The following MSI2 variants were observed in gnomAD, a reference collection of about 807,000 sequenced individuals.
MSI2 encodes the protein RNA-binding protein Musashi homolog 2.
A neutral mutation model predicts 45.6 loss-of-function variants in MSI2; 17 were observed. The ratio of observed to expected loss-of-function variants is 0.37; its 90% CI spans 0.26 to 0.56. The LOEUF (loss-of-function observed/expected upper bound fraction) is 0.56, where lower values mean the gene tolerates loss of function less well. Among genes scored for constraint, MSI2 ranks in the 20% least tolerant of loss-of-function variants. The pLI is 0.77. For synonymous variants in MSI2, 156 were observed against 158.2 expected (o/e 0.99, Z 0.11); for missense variants, 293 against 444.2 (o/e 0.66, Z 3.06).
intron 5 of MSI2, among the ~76,000 whole-genome samples, chr17:57,327,876 A>G (rs767758800): frequency 1.3e-5 from 2 of 152,048 alleles, no homozygotes; most frequent in African/African-American, 2.4e-5. Flanking sequence ...GTGGGAGCCC[A>G]TTGTCAGGCA....
chr17:57,529,616 A>G lies in MSI2; in HGVS notation c.406-60A>G, dbSNP rs933279335. 18 of 1,506,796 alleles carry G rather than the reference A, an allele frequency of 1.2e-5. No homozygotes were observed. The East Asian group carries it at 3.8e-4, about 32-fold the overall frequency. 93.3% of individuals were successfully genotyped at this position (1,506,796 alleles called of 1,614,324 possible). On this transcript the variant is annotated intron_variant, in intron 6 of 13. Coordinates refer to ENST00000284073, the MANE Select transcript of MSI2 (RefSeq NM_138962.4). The surrounding 1 kb of genome is among the most constrained non-coding windows in gnomAD (Gnocchi z 5.3). Reference sequence around the variant, plus strand: ...CCCCTCACCCCCCGACATGCATATAATGTTTTGTGTACTTTCTTAAAATTC... The same window carrying G: ...CCCCTCACCCCCCGACATGCATATAGTGTTTTGTGTACTTTCTTAAAATTC...
At chr17:57,412,194 C>T (rs113011574) in intron 6 of MSI2, among the ~76,000 whole-genome samples, 144 of 151,916 alleles carry the variant, frequency 9.5e-4, no homozygotes, top group African/African-American at 3.2e-3. Context: ...TGTGCCACCA[C>T]GCCTGAATAA....
intron 6 of MSI2, among the ~76,000 whole-genome samples, chr17:57,477,199 TG>T: frequency 1.9e-5 from 2 of 107,826 alleles, no homozygotes; most frequent in African/African-American, 6.9e-5. Flanking sequence ...TGTGTGTGTG[TG>T]TCGGAGGGTG....
In MSI2 at chr17:57,558,584, C is replaced by T. The variant is rs144918755; in HGVS notation, c.454+28860C>T. The stretch of plus-strand genomic sequence containing the variant: ...CTCCTGGTGGCACAACAGAAAACCA[C>T]GACTCTAAGTCACTTGCCCCAGCCC... On this transcript the variant is annotated intron_variant, in intron 7 of 13. Coordinates refer to ENST00000284073, the MANE Select transcript of MSI2 (RefSeq NM_138962.4). Among the ~76,000 whole-genome samples, 1,077 of 152,294 alleles carry T rather than the reference C, an allele frequency of 7.1e-3. 13 individuals carry two copies. Among genetic ancestry groups the T allele is most frequent in the South Asian group, 9.9e-3 (48 of 4,826 alleles).
chr17:57,495,001 A>G (rs2085947593), intron 6 of MSI2, among the ~76,000 whole-genome samples: 1 of 152,186 alleles, frequency 6.6e-6, no homozygotes, highest in Non-Finnish European at 1.5e-5. Flanking sequence ...AACACAGGGT[A>G]AAGGAGATTA....
At chr17:57,575,086 T>G (rs1340078044) in intron 7 of MSI2, among the ~76,000 whole-genome samples, 1 of 151,046 alleles carries the variant, frequency 6.6e-6, no homozygotes, top group Non-Finnish European at 1.5e-5. Context: ...CACCTTGGCC[T>G]CCCAAAGTGC....
At chr17:57,475,727 C>T (rs997248911) in intron 6 of MSI2, among the ~76,000 whole-genome samples, 1 of 152,016 alleles carries the variant, frequency 6.6e-6, no homozygotes, top group Non-Finnish European at 1.5e-5. Flanking sequence ...CTTGGGAGTC[C>T]TTTCTGAGGA....
At position 57,439,995 on chromosome 17, in the gene MSI2, CTT is replaced by C. The variant is rs2084767145; in HGVS notation, c.405+38526_405+38527del. On this transcript the variant is annotated intron_variant, in intron 6 of 13. Transcript: ENST00000284073. ...TAAGATTCAATACCAATGGTTATCT[CTT>C]TGATTATAGCTTAGGGTGAGGCTGA... Among the ~76,000 whole-genome samples the C allele has an allele frequency of 2.0e-5, 3 of 152,130 alleles. 1 individual carries two copies. In the South Asian group the frequency reaches 6.2e-4, roughly 32 times the overall value.
intron 6 of MSI2, among the ~76,000 whole-genome samples, chr17:57,458,431 A>G (rs770652942): frequency 9.2e-5 from 14 of 152,130 alleles, no homozygotes; most frequent in Non-Finnish European, 1.6e-4. Context: ...GTGTATACAT[A>G]TTTTAATCTC....
chr17:57,370,995 A>G (rs778563467), intron 5 of MSI2, among the ~76,000 whole-genome samples: 1 of 152,240 alleles, frequency 6.6e-6, no homozygotes, highest in African/African-American at 2.4e-5. Context: ...GAATCCTGTA[A>G]GGTCAATTAT....
intron 5 of MSI2, among the ~76,000 whole-genome samples, chr17:57,300,804 G>A (rs754500436): frequency 1.5e-4 from 23 of 152,296 alleles, no homozygotes; most frequent in Non-Finnish European, 2.4e-4. Flanking sequence ...TTATAAAACC[G>A]TCAGATCTTG....
intron 6 of MSI2, among the ~76,000 whole-genome samples, chr17:57,464,879 G>T (rs547154912): frequency 8.4e-4 from 128 of 152,326 alleles, no homozygotes; most frequent in Non-Finnish European, 1.6e-3. Flanking sequence ...CGTCAGATAT[G>T]ACAGAGCCCC....
intron 5 of MSI2, among the ~76,000 whole-genome samples, chr17:57,314,749 T>G (rs1417782592): frequency 1.3e-5 from 2 of 151,930 alleles, no homozygotes; most frequent in East Asian, 3.9e-4. Context: ...TTTTTGTATT[T>G]TTAGTAAAAA....
At chr17:57,547,753 C>T (rs1269002042) in intron 7 of MSI2, among the ~76,000 whole-genome samples, 3 of 114,924 alleles carry the variant, frequency 2.6e-5, no homozygotes, top group Non-Finnish European at 5.6e-5. Flanking sequence ...CACACACACA[C>T]ACACACACAC....
chr17:57,602,340 T>A (rs1905986860), intron 8 of MSI2, among the ~76,000 whole-genome samples: 1 of 152,090 alleles, frequency 6.6e-6, no homozygotes, highest in South Asian at 2.1e-4. Flanking sequence ...TGTTTTTTGT[T>A]TTTTGTTTGT....
chr17:57,461,469 GAA>G (rs1172785887), intron 6 of MSI2, among the ~76,000 whole-genome samples: 1 of 152,028 alleles, frequency 6.6e-6, no homozygotes, highest in Non-Finnish European at 1.5e-5. Context: ...AGGGAAGTAG[GAA>G]ATTTCTCCTT....
chr17:57,472,670 GTAA>G (rs1315815882), intron 6 of MSI2, among the ~76,000 whole-genome samples: 1 of 152,182 alleles, frequency 6.6e-6, no homozygotes, highest in Non-Finnish European at 1.5e-5. Flanking sequence ...GATACTAGTG[GTAA>G]TAATAATAGC....
intron 5 of MSI2, among the ~76,000 whole-genome samples, chr17:57,272,833 T>C (rs1226940292): frequency 2.6e-5 from 4 of 152,200 alleles, no homozygotes. Context: ...TGCTGCGACA[T>C]CTTAAGAAAA....
intron 6 of MSI2, among the ~76,000 whole-genome samples, chr17:57,404,880 T>C (rs1598223586): frequency 6.6e-6 from 1 of 152,184 alleles, no homozygotes; most frequent in East Asian, 1.9e-4. Context: ...ACACACCCCC[T>C]CTCCCCAAGG....
Sources: gnomAD v4.1 joint callset for allele counts (sites outside exome capture counted in the v4.1 genomes callset) on GRCh38, gnomAD v4.1.1 for gene constraint, Gnocchi (gnomAD v3.1) non-coding constraint, MANE v1.5 for transcripts, NCBI Gene and HGNC (gene_info 2026-07-23, HGNC 2026-07-21) for gene names.